The following UGCG variants were observed in gnomAD, a reference collection of about 807,000 sequenced individuals.
UGCG encodes the protein UDP-glucose ceramide glucosyltransferase, also known as ceramide glucosyltransferase.
A neutral mutation model predicts 49.5 loss-of-function variants in UGCG; 10 were observed. The observed-to-expected ratio is 0.20, with a 90% CI of 0.12 to 0.34. The LOEUF is 0.34. UGCG is among the 10% of genes least tolerant of loss of function. The pLI, the probability that UGCG is intolerant of heterozygous loss-of-function variation, is 1.00. For missense variants in UGCG, 312 were observed against 483.7 expected (o/e 0.65, Z 3.33); for synonymous variants, 182 against 158.2 (o/e 1.15, Z -1.13).
intron 8 of UGCG, 112 bp downstream of exon 8, chr9:111,932,471 A>G (rs1838443506): frequency 2.6e-6 from 3 of 1,168,802 alleles, no homozygotes; most frequent in Admixed American, 5.2e-5. Context: ...TTCCCATTGT[A>G]GGTTAGTCTC....
intron 7 of UGCG, 110 bp from the exon 8 acceptor site, chr9:111,932,060 A>T: frequency 8.6e-7 from 1 of 1,159,852 alleles, no homozygotes; most frequent in Non-Finnish European, 1.2e-6. Context: ...GTTTAAAGAG[A>T]ATGGTCTTTC....
rs185513511 is a variant in UGCG, at chr9:111,913,508, A to G, written c.99-1097A>G. On this transcript the variant is annotated intron_variant, in intron 1 of 8. Coordinates refer to ENST00000374279, the MANE Select transcript of UGCG (RefSeq NM_003358.3). ...GAGTGCAGCGGCACAATCTTGGCTC[A>G]CTGCAACCTCCACCCCCGGGTTCAA... is the stretch of plus-strand genomic sequence containing the variant. Among the ~76,000 whole-genome samples, 9 of 151,922 alleles carry G rather than the reference A, an allele frequency of 5.9e-5. No homozygotes were observed. The East Asian group carries it at 1.7e-3, about 29-fold the overall frequency.
At position 111,934,315 on chromosome 9, in the gene UGCG, A is replaced by C. The variant is rs935890325; in HGVS notation, c.*1318A>C. The C allele has an allele frequency of 1.3e-5, 2 of 152,048 alleles. No homozygotes were observed. The highest frequency in any genetic ancestry group is 4.8e-5 in the African/African-American group (2 of 41,398). The allele number at this position is 152,048 out of a possible 1,614,324, so 9.4% of individuals were successfully genotyped here. A position where few individuals can be genotyped will look rare whatever the true frequency, so the allele number is the denominator to read the frequency against. The stretch of plus-strand genomic sequence containing the variant: ...TAAACTTGCTCGCCAGGTTGTGCTT[A>C]ACTTGTGGTGAACTGGACTTGATTC... On this transcript the variant is annotated 3_prime_UTR_variant, in exon 9 of 9. Transcript: ENST00000374279.
intron 2 of UGCG, among the ~76,000 whole-genome samples, chr9:111,920,625 A>G (rs1838203582): frequency 6.6e-6 from 1 of 152,148 alleles, no homozygotes; most frequent in South Asian, 2.1e-4. Context: ...CTGGCCTCCA[A>G]AGTGCTGGGA....
In UGCG at chr9:111,909,437, G is replaced by T. The variant is rs1837954733; in HGVS notation, c.99-5168G>T. Among the ~76,000 whole-genome samples, 4 of 152,170 alleles carry T rather than the reference G, an allele frequency of 2.6e-5. No individual in the cohort carries two copies. In the South Asian group the frequency reaches 8.3e-4, roughly 32 times the overall value. On this transcript the variant is annotated intron_variant, in intron 1 of 8. Transcript: ENST00000374279. ...ATTGGTTTCCAACACACTGGTCATG[G>T]CCAAAGGCATTGTTTCCACCTGTGG... is the stretch of plus-strand genomic sequence containing the variant.
At chr9:111,908,779 T>C (rs77280539) in intron 1 of UGCG, among the ~76,000 whole-genome samples, 5,811 of 152,228 alleles carry the variant, frequency 0.038, 165 homozygotes, top group African/African-American at 0.075. Flanking sequence ...GTCTAGGAAA[T>C]GCAGAAACCC....
At chr9:111,897,838 A>T (rs1048670753) in intron 1 of UGCG, among the ~76,000 whole-genome samples, 1 of 151,620 alleles carries the variant, frequency 6.6e-6, no homozygotes, top group African/African-American at 2.4e-5. Flanking sequence ...CAAACCTCCG[A>T]GCTGGCATGA....
At chr9:111,919,778 G>C (rs1168307218) in intron 2 of UGCG, among the ~76,000 whole-genome samples, 3 of 144,276 alleles carry the variant, frequency 2.1e-5, no homozygotes, top group African/African-American at 5.2e-5. Context: ...CTGGGTGACA[G>C]AGCGAGACTC....
At chr9:111,923,059 G>T in intron 3 of UGCG, 108 bp downstream of exon 3, 2 of 651,444 alleles carry the variant, frequency 3.1e-6, no homozygotes, top group Non-Finnish European at 4.9e-6. Flanking sequence ...TTTTAAACAT[G>T]TTTGTTGGAG....
At chr9:111,927,218 A>G (rs987285170) in intron 5 of UGCG, among the ~76,000 whole-genome samples, 6 of 152,112 alleles carry the variant, frequency 3.9e-5, no homozygotes, top group Non-Finnish European at 7.4e-5. Flanking sequence ...AAATATACAC[A>G]AAAGAAAATG....
At chr9:111,932,023 TA>T (rs10708488) in intron 7 of UGCG, 146 bp from the exon 8 acceptor site, 320,867 of 721,648 alleles carry the variant, frequency 0.44, 59,947 homozygotes, top group African/African-American at 0.65. Context: ...CCGTCTCAAG[TA>T]AAAAAAAAAA....
intron 6 of UGCG, among the ~76,000 whole-genome samples, chr9:111,931,014 C>T (rs756237589): frequency 1.3e-5 from 2 of 152,064 alleles, no homozygotes; most frequent in African/African-American, 2.4e-5. Flanking sequence ...AAAATGACTG[C>T]ATTTTAAGTT....
In UGCG at chr9:111,897,133, G is replaced by T; in HGVS notation, c.-83G>T. ...TCTCGCCTCCCGCGCCCCCGCACCG[G>T]GCGCCCACCCTGTCCTCCTCCTGCG... On this transcript the variant is annotated 5_prime_UTR_variant, in exon 1 of 9. Transcript: ENST00000374279. 1 of 1,197,984 alleles carries T rather than the reference G, an allele frequency of 8.3e-7. No individual in the cohort carries two copies. Among genetic ancestry groups the T allele is most frequent in the South Asian group, 1.4e-5 (1 of 70,296 alleles). The allele number at this position is 1,197,984 out of a possible 1,614,324, so 74.2% of individuals were successfully genotyped here.
At chr9:111,905,982 G>A (rs1837875301) in intron 1 of UGCG, among the ~76,000 whole-genome samples, 1 of 152,076 alleles carries the variant, frequency 6.6e-6, no homozygotes, top group Non-Finnish European at 1.5e-5. Context: ...TTATTGCTTT[G>A]CTGGGCTCTG....
At chr9:111,911,905 GATATATATATATATATATATATATATAT>G (rs200468304) in intron 1 of UGCG, among the ~76,000 whole-genome samples, 1,681 of 79,094 alleles carry the variant, frequency 0.021, 60 homozygotes, top group South Asian at 0.035. Context: ...TATTCAACAG[GATATATATATATATATATATATATATAT>G]ATATATATAT....
intron 2 of UGCG, among the ~76,000 whole-genome samples, chr9:111,917,777 T>C (rs1375302453): frequency 6.6e-6 from 1 of 152,210 alleles, no homozygotes; most frequent in Non-Finnish European, 1.5e-5. Context: ...CTGATACTCA[T>C]TCCTTGGGAA....
At chr9:111,923,951 A>C (rs1453086971) in intron 3 of UGCG, among the ~76,000 whole-genome samples, 1 of 152,064 alleles carries the variant, frequency 6.6e-6, no homozygotes, top group Non-Finnish European at 1.5e-5. Context: ...CACCACGCTC[A>C]GCTAATTTTT....
chr9:111,925,324 G>T (rs754204290), intron 4 of UGCG, among the ~76,000 whole-genome samples: 2 of 152,210 alleles, frequency 1.3e-5, no homozygotes, highest in Non-Finnish European at 2.9e-5. Context: ...AATGATTTTA[G>T]CAAGAAGCCT....
intron 1 of UGCG, among the ~76,000 whole-genome samples, chr9:111,913,414 C>T (rs1403381857): frequency 6.6e-6 from 1 of 151,932 alleles, no homozygotes; most frequent in Non-Finnish European, 1.5e-5. Context: ...AACTGGGGCA[C>T]GTTCTGTCTT....
Sources: gnomAD v4.1 joint callset for allele counts (sites outside exome capture counted in the v4.1 genomes callset) on GRCh38, gnomAD v4.1.1 for gene constraint, MANE v1.5 for transcripts, NCBI Gene and HGNC (gene_info 2026-07-23, HGNC 2026-07-21) for gene names.